Variants in MYO3B observed in about 807,000 individuals in gnomAD.
MYO3B encodes myosin IIIB.
MYO3B carries 156 observed loss-of-function variants against 174.6 expected under a neutral mutation model. The observed-to-expected ratio is 0.89, with a 90% CI of 0.78 to 1.02. The LOEUF (loss-of-function observed/expected upper bound fraction) is 1.02, where lower values mean the gene tolerates loss of function less well. MYO3B is among the 50% of genes least tolerant of loss of function. The probability of loss-of-function intolerance (pLI) is 0.00; values close to 1 mark genes in which losing one functional copy is unlikely to be tolerated. For synonymous variants in MYO3B, 563 were observed against 569.1 expected, an observed-to-expected ratio of 0.99 and a Z score of 0.15; for missense variants, 1,632 against 1,639.4, an observed-to-expected ratio of 1.00 and a Z score of 0.08.
chr2:170,379,084 C>G (rs982178044), intron 9 of MYO3B, among the ~76,000 whole-genome samples: 1 of 151,954 alleles, frequency 6.6e-6, no homozygotes, highest in Admixed American at 6.6e-5. Flanking sequence ...TATTGATTTT[C>G]TTTGTCAAAT....
chr2:170,431,405 G>A (rs926070556), intron 22 of MYO3B, among the ~76,000 whole-genome samples: 4 of 152,206 alleles, frequency 2.6e-5, no homozygotes, highest in Non-Finnish European at 5.9e-5. Context: ...CAGTATAGTT[G>A]TTTGCTGGAC....
intron 1 of MYO3B, among the ~76,000 whole-genome samples, chr2:170,182,083 A>G (rs2092407396): frequency 1.3e-5 from 2 of 151,964 alleles, no homozygotes; most frequent in Admixed American, 1.3e-4. Context: ...CTTCTTTTCT[A>G]TTTATTTTTT....
intron 25 of MYO3B, among the ~76,000 whole-genome samples, chr2:170,482,992 A>C (rs1685794043): frequency 6.6e-6 from 1 of 152,254 alleles, no homozygotes; most frequent in Admixed American, 6.5e-5. Flanking sequence ...TGCCTTTTTC[A>C]TGGAGCCCAT....
At chr2:170,193,122 G>A (rs72884069) in intron 1 of MYO3B, among the ~76,000 whole-genome samples, 15,786 of 151,568 alleles carry the variant, frequency 0.1, 1,101 homozygotes, top group Non-Finnish European at 0.14. Flanking sequence ...ATTGTGTTTT[G>A]TCTATTTCTT....
rs1295377681 is a variant in MYO3B, at chr2:170,519,473, C to T, written c.3508C>T (p.Gln1170Ter). ...CTCTGTACATCGTAGGAGCCATTCA[C>T]AAGCAGAATCCAACAATGGCCGTAC... ...RGSVHRRSHS[Q>*]AESNNGRTQT... Residue 1170 changes from glutamine (Q) to a stop codon, truncating the protein, a stop_gained, in exon 30 of 35, where the codon CAA becomes TAA. Transcript: ENST00000408978. LOFTEE classifies it high-confidence loss of function. 1.2e-6 allele frequency: 2 copies of T among 1,613,938 alleles called. No homozygotes were observed. Among genetic ancestry groups the T allele is most frequent in the African/African-American group, 1.3e-5 (1 of 74,996 alleles).
intron 32 of MYO3B, among the ~76,000 whole-genome samples, chr2:170,648,843 ATAT>A (rs1698613208): frequency 8.8e-6 from 1 of 113,944 alleles, no homozygotes; most frequent in Non-Finnish European, 1.6e-5. Context: ...AATATATTCT[ATAT>A]TATATATAGA....
At chr2:170,613,590 G>C (rs1695255953) in intron 32 of MYO3B, among the ~76,000 whole-genome samples, 1 of 152,198 alleles carries the variant, frequency 6.6e-6, no homozygotes, top group African/African-American at 2.4e-5. Flanking sequence ...GTGTCAACTT[G>C]ACTGGATTGA....
rs771214819 is a variant in MYO3B, at chr2:170,404,283, G to A, written c.2314G>A (p.Val772Met). 40 of 1,612,758 alleles carry A rather than the reference G, an allele frequency of 2.5e-5. No homozygotes were observed. The highest frequency in any genetic ancestry group is 2.8e-5 in the Non-Finnish European group (33 of 1,179,396). Residue 772 changes from valine (V) to methionine (M), a missense_variant, in exon 20 of 35, where the codon GTG becomes ATG. Val to Met is a conservative substitution (Grantham distance 21). Transcript: ENST00000408978. The part of the protein sequence containing the change: ...YQNEGIDAVP[V>M]EYEDNRPLLD... The stretch of plus-strand genomic sequence containing the variant: ...GAATGAAGGCATTGATGCTGTACCC[G>A]TGGAATATGAGGACAACCGCCCGCT...
At chr2:170,564,950 TA>T (rs1228288861) in intron 32 of MYO3B, among the ~76,000 whole-genome samples, 1 of 144,376 alleles carries the variant, frequency 6.9e-6, no homozygotes, top group Admixed American at 7.0e-5. Context: ...TCCATCCCAC[TA>T]AATAGTAAAA....
intron 6 of MYO3B, among the ~76,000 whole-genome samples, chr2:170,221,295 G>A (rs2105381577): frequency 6.6e-6 from 1 of 152,240 alleles, no homozygotes; most frequent in Non-Finnish European, 1.5e-5. Context: ...AAATGCAGCT[G>A]AGAGATCCTT....
chr2:170,251,005 T>C (rs1280747674), intron 7 of MYO3B, among the ~76,000 whole-genome samples: 1 of 151,822 alleles, frequency 6.6e-6, no homozygotes, highest in East Asian at 2.0e-4. Flanking sequence ...AAAAAGCAAC[T>C]TTTTGGGGTA....
In MYO3B at chr2:170,400,654, C is replaced by CCG. The variant is rs1553482743; in HGVS notation, c.1918+341_1918+342insGC. On this transcript the variant is annotated intron_variant, in intron 17 of 34. Transcript: ENST00000408978. ...TCCTGACCTCATGATCCACCCCCCC[C>CCG]CCCTCGGCCTCCCAAAGTGTTGGGA... Among the ~76,000 whole-genome samples, 5 of 141,616 alleles carry CCG rather than the reference C, an allele frequency of 3.5e-5. No homozygotes were observed. In the South Asian group the frequency reaches 9.1e-4, roughly 26 times the overall value. The allele number at this position is 141,616 out of a possible 152,430, so 92.9% of individuals were successfully genotyped here. A position where few individuals can be genotyped will look rare whatever the true frequency, so the allele number is the denominator to read the frequency against.
At chr2:170,203,807 T>C (rs1172916625) in intron 3 of MYO3B, among the ~76,000 whole-genome samples, 1 of 151,890 alleles carries the variant, frequency 6.6e-6, no homozygotes, top group Non-Finnish European at 1.5e-5. Flanking sequence ...GGTTCTAGAG[T>C]GAGAGACACT....
rs2093940861 is a variant in MYO3B, at chr2:170,335,449, CAGTG to C, written c.815+3_815+6del. ...TGAAGAATTCAACCACTTTATTTCACAGTGAGTATTTCTTCCACTAAAAATTGCC... is the reference window on the plus strand; with the variant it reads ...TGAAGAATTCAACCACTTTATTTCACAGTATTTCTTCCACTAAAAATTGCC... On this transcript the variant is annotated splice_donor_variant and splice_donor_region_variant and coding_sequence_variant and intron_variant, in exon 8 of 35. Coordinates refer to ENST00000408978, the MANE Select transcript of MYO3B (RefSeq NM_138995.5). LOFTEE classifies it high-confidence loss of function. 3.7e-6 allele frequency: 6 copies of C among 1,610,406 alleles called. No individual in the cohort carries two copies. Among genetic ancestry groups the C allele is most frequent in the Non-Finnish European group, 5.1e-6 (6 of 1,177,632 alleles).
At chr2:170,279,098 G>A (rs78906056) in intron 7 of MYO3B, among the ~76,000 whole-genome samples, 1,820 of 152,144 alleles carry the variant, frequency 0.012, 30 homozygotes, top group East Asian at 0.058. Context: ...ACATGGGGGT[G>A]CATGTATCCC....
chr2:170,540,707 A>G (rs1275174476), intron 30 of MYO3B, among the ~76,000 whole-genome samples: 2 of 151,886 alleles, frequency 1.3e-5, no homozygotes, highest in African/African-American at 4.9e-5. Flanking sequence ...CAACAACTCT[A>G]TAAAGGAGTT....
intron 32 of MYO3B, among the ~76,000 whole-genome samples, chr2:170,637,357 G>C (rs1327806643): frequency 1.3e-5 from 2 of 151,936 alleles, no homozygotes; most frequent in Non-Finnish European, 2.9e-5. Context: ...ATTTTTAGTA[G>C]AGACAGGGTT....
chr2:170,477,737 G>A, intron 25 of MYO3B, among the ~76,000 whole-genome samples: 1 of 150,676 alleles, frequency 6.6e-6, no homozygotes, highest in East Asian at 1.9e-4. Flanking sequence ...CAGCAGTTGT[G>A]ACAGTCAAAA....
Position 170,653,175 on chromosome 2 carries a change from ACTGT to A in MYO3B, c.*60_*63del, listed in dbSNP as rs1342351383. The A allele has an allele frequency of 1.7e-5, 28 of 1,606,148 alleles. No homozygotes were observed. The highest frequency in any genetic ancestry group is 2.2e-5 in the Non-Finnish European group (26 of 1,173,560). On this transcript the variant is annotated 3_prime_UTR_variant, in exon 35 of 35. Coordinates refer to ENST00000408978, the MANE Select transcript of MYO3B (RefSeq NM_138995.5). ...AGAGTAGGAACATTCATGGTAATCG[ACTGT>A]CTGTCATTGCGTAAGAAAGCACTGA...
Sources: gnomAD v4.1 joint callset for allele counts (sites outside exome capture counted in the v4.1 genomes callset) on GRCh38, gnomAD v4.1.1 for gene constraint, MANE v1.5 for transcripts, NCBI Gene and HGNC (gene_info 2026-07-23, HGNC 2026-07-21) for gene names.